AGL: variants seen among roughly 807,000 people sequenced by gnomAD.
AGL encodes the protein amylo-alpha-1,6-glucosidase and 4-alpha-glucanotransferase.
A neutral mutation model predicts 199.3 loss-of-function variants in AGL; 128 were observed. The ratio of observed to expected loss-of-function variants is 0.64; its 90% CI spans 0.56 to 0.74. The LOEUF (loss-of-function observed/expected upper bound fraction) is 0.74, where lower values mean the gene tolerates loss of function less well. AGL is among the 30% of genes least tolerant of loss of function. The pLI is 0.00. For synonymous variants in AGL, 584 were observed against 594.7 expected (o/e 0.98, Z 0.26); for missense variants, 1,809 against 1,820.8 (o/e 0.99, Z 0.12).
At position 99,876,452 on chromosome 1, in the gene AGL, T is replaced by C; in HGVS notation, c.1284-6T>C. On this transcript the variant is annotated splice_polypyrimidine_tract_variant and splice_region_variant and intron_variant, in intron 10 of 33. Coordinates refer to ENST00000361915, the MANE Select transcript of AGL (RefSeq NM_000642.3). ...ATGGATTTAATATTTAATTATATTTTCATAGGTATTTTACTTTCCCATTTG... is the reference window on the plus strand; with the variant it reads ...ATGGATTTAATATTTAATTATATTTCCATAGGTATTTTACTTTCCCATTTG... 1 of 1,560,904 alleles carries C rather than the reference T, an allele frequency of 6.4e-7. No homozygotes were observed.
At chr1:99,876,618 C>G (rs755639355) in intron 11 of AGL, 21 bp downstream of exon 11, 4 of 1,613,408 alleles carry the variant, frequency 2.5e-6, no homozygotes, top group Non-Finnish European at 3.4e-6. Flanking sequence ...TTTAACTTCT[C>G]TGTGGATGGG....
intron 23 of AGL, 40 bp downstream of exon 23, chr1:99,891,779 T>C: frequency 6.2e-7 from 1 of 1,610,622 alleles, no homozygotes; most frequent in Non-Finnish European, 8.5e-7. Context: ...CATATCTGTG[T>C]TGAAACTATA....
rs1263396578 is a variant in AGL at position 99,851,067 on chromosome 1, A to G, written c.25A>G (p.Ile9Val). The stretch of plus-strand genomic sequence containing the variant: ...AATGGGACACAGTAAACAGATTCGA[A>G]TTTTACTTCTGAACGAAATGGAGAA... MGHSKQIR[I>V]LLLNEMEKLE... The change falls in exon 2 of 34, where the codon ATT becomes GTT. Residue 9 changes from isoleucine (I) to valine (V), a missense_variant. By Grantham distance (29) the Ile-to-Val change is conservative. Transcript: ENST00000361915. 5.0e-6 allele frequency: 8 copies of G among 1,613,990 alleles called. No individual in the cohort carries two copies. Among genetic ancestry groups the G allele is most frequent in the Non-Finnish European group, 5.9e-6 (7 of 1,179,968 alleles).
chr1:99,873,512 A>G (rs1651208317), intron 7 of AGL, among the ~76,000 whole-genome samples: 1 of 148,202 alleles, frequency 6.7e-6, no homozygotes, highest in Admixed American at 6.9e-5. Context: ...TCCACTCACC[A>G]CAACCTCCGC....
intron 5 of AGL, among the ~76,000 whole-genome samples, chr1:99,865,181 AG>A (rs898957717): frequency 1.5e-4 from 23 of 152,222 alleles, no homozygotes; most frequent in African/African-American, 5.3e-4. Flanking sequence ...ATATATATAT[AG>A]GGTTTCATAC....
chr1:99,870,713 TA>T, intron 6 of AGL, 44 bp from the exon 7 acceptor site: 6 of 1,410,424 alleles, frequency 4.3e-6, no homozygotes, highest in Non-Finnish European at 6.0e-6. Context: ...TGATTTTAAA[TA>T]AGTATATGTA....
intron 2 of AGL, among the ~76,000 whole-genome samples, chr1:99,856,781 C>G (rs911088254): frequency 1.3e-5 from 2 of 152,230 alleles, no homozygotes; most frequent in African/African-American, 4.8e-5. Flanking sequence ...AGATCAACAG[C>G]ATCCCAAGGC....
At chr1:99,856,830 T>C (rs1312609297) in intron 2 of AGL, among the ~76,000 whole-genome samples, 3 of 152,216 alleles carry the variant, frequency 2.0e-5, no homozygotes, top group African/African-American at 7.2e-5. Flanking sequence ...GAGTCTCCCA[T>C]GTCTACTTCT....
chr1:99,903,534 A>G (rs1654016262), intron 27 of AGL, among the ~76,000 whole-genome samples: 5 of 152,154 alleles, frequency 3.3e-5, no homozygotes, highest in Admixed American at 3.3e-4. Flanking sequence ...CCAGTCTATC[A>G]TTGATGGACA....
chr1:99,852,642 C>T lies in AGL; in HGVS notation c.82+1518C>T, dbSNP rs928843945. On this transcript the variant is annotated intron_variant, in intron 2 of 33. Transcript: ENST00000361915. ...CCTCCCTCTTTGGCCTCTGAAAGTA[C>T]TGGGATTACAAGCATAAGCCACCGG... The T allele has an allele frequency of 2.1e-5, 16 of 762,550 alleles. No homozygotes were observed. The East Asian group carries it at 3.9e-4, about 19-fold the overall frequency. The allele number at this position is 762,550 out of a possible 1,614,324, so 47.2% of individuals were successfully genotyped here.
At chr1:99,877,036 C>T (rs1557760080) in intron 11 of AGL, among the ~76,000 whole-genome samples, 2 of 152,180 alleles carry the variant, frequency 1.3e-5, no homozygotes, top group East Asian at 3.8e-4. Context: ...CCCCCTCACT[C>T]TTAGTGTCTT....
intron 24 of AGL, among the ~76,000 whole-genome samples, chr1:99,893,724 T>C (rs1446492469): frequency 2.6e-5 from 4 of 152,208 alleles, no homozygotes; most frequent in Non-Finnish European, 5.9e-5. Context: ...AAAATTAAGT[T>C]GATAAACAAA....
chr1:99,851,921 G>GTGTGGCA (rs1451649714), intron 2 of AGL, among the ~76,000 whole-genome samples: 2 of 152,016 alleles, frequency 1.3e-5, no homozygotes, highest in African/African-American at 4.8e-5. Context: ...CACATACAAT[G>GTGTGGCA]TGATATCTTC....
chr1:99,870,334 A>C, intron 5 of AGL, 66 bp from the exon 6 acceptor site: 1 of 1,510,562 alleles, frequency 6.6e-7, no homozygotes, highest in Non-Finnish European at 9.2e-7. Flanking sequence ...TTCACCTCTA[A>C]ACTTAACATA....
intron 2 of AGL, among the ~76,000 whole-genome samples, chr1:99,853,142 AT>A (rs1197828150): frequency 3.3e-5 from 5 of 152,192 alleles, no homozygotes; most frequent in Non-Finnish European, 7.3e-5. Context: ...GAATAATCTT[AT>A]GCAGTCTCTT....
At chr1:99,908,083 A>T (rs894636299) in intron 27 of AGL, among the ~76,000 whole-genome samples, 1 of 152,288 alleles carries the variant, frequency 6.6e-6, no homozygotes, top group South Asian at 2.1e-4. Context: ...AAAAAGCCTC[A>T]TCAAATTCAA....
In AGL at chr1:99,910,727, C is replaced by T. The variant is rs1468078446; in HGVS notation, c.3716C>T (p.Ala1239Val). 1 of 1,604,382 alleles carries T rather than the reference C, an allele frequency of 6.2e-7. No homozygotes were observed. The highest frequency in any genetic ancestry group is 1.7e-5 in the Admixed American group (1 of 59,856). The change falls in exon 28 of 34, where the codon GCA (alanine) becomes GTA (valine). Residue 1239 changes from alanine to valine, a missense_variant. Ala to Val is a moderately conservative substitution (Grantham distance 64). Transcript: ENST00000361915. ...TGTTTTTTAGGTTTTAATATAACTG[C>T]AGGAGTTGATGAAGAAACAGGATTT... is the stretch of plus-strand genomic sequence containing the variant. ...NMKDEGFNIT[A>V]GVDEETGFVY... is the part of the protein sequence containing the mutation.
chr1:99,907,239 C>G (rs1404817679), intron 27 of AGL, among the ~76,000 whole-genome samples: 1 of 152,106 alleles, frequency 6.6e-6, no homozygotes, highest in Non-Finnish European at 1.5e-5. Flanking sequence ...GTAGAAGTTT[C>G]TTATATATTC....
chr1:99,860,019 A>G (rs1285067072), intron 2 of AGL, among the ~76,000 whole-genome samples: 1 of 152,178 alleles, frequency 6.6e-6, no homozygotes, highest in Non-Finnish European at 1.5e-5. Context: ...TACATCACTG[A>G]TACTTTTCTC....
Sources: gnomAD v4.1 joint callset for allele counts (sites outside exome capture counted in the v4.1 genomes callset) on GRCh38, gnomAD v4.1.1 for gene constraint, MANE v1.5 for transcripts, NCBI Gene and HGNC (gene_info 2026-07-23, HGNC 2026-07-21) for gene names.